The following FHIT variants were observed in gnomAD, a reference collection of about 807,000 sequenced individuals.
FHIT encodes the protein bis(5'-adenosyl)-triphosphatase.
In FHIT, 19 loss-of-function variants were observed where a neutral mutation model predicts 17.9. The observed-to-expected ratio is 1.06, with a 90% CI of 0.74 to 1.56. FHIT has a LOEUF of 1.56. Ranked by LOEUF, FHIT falls within the 40% of genes most tolerant of loss-of-function variation. The probability of loss-of-function intolerance (pLI) is 0.00; values close to 1 mark genes in which losing one functional copy is unlikely to be tolerated. For missense variants in FHIT, 248 were observed against 189.2 expected (o/e 1.31, Z -1.82); for synonymous variants, 81 against 69.7 (o/e 1.16, Z -0.81).
intron 7 of FHIT, among the ~76,000 whole-genome samples, chr3:59,952,745 G>A (rs80013435): frequency 0.085 from 12,878 of 152,172 alleles, 619 homozygotes; most frequent in Middle Eastern, 0.17. Flanking sequence ...GGAACCAAGC[G>A]CTGGTTCTGC....
In FHIT at chr3:60,872,374, C is replaced by T. The variant is rs565832070; in HGVS notation, c.-110-50363G>A. On this transcript the variant is annotated intron_variant, in intron 3 of 9. Coordinates refer to ENST00000492590, the MANE Select transcript of FHIT (RefSeq NM_002012.4). Reference sequence around the variant, plus strand: ...TAATTCATTTTGGTTCCAATAAATACGTACTTTCTGTGAGACCCTTTGGGG... The same window carrying T: ...TAATTCATTTTGGTTCCAATAAATATGTACTTTCTGTGAGACCCTTTGGGG... 1.8e-3 allele frequency among the ~76,000 whole-genome samples: 278 copies of T among 152,258 alleles called. 1 individual carries two copies. The highest frequency in any genetic ancestry group is 6.4e-3 in the African/African-American group (265 of 41,566).
intron 1 of FHIT, among the ~76,000 whole-genome samples, chr3:61,216,755 C>CA (rs750216142): frequency 7.9e-5 from 12 of 152,148 alleles, no homozygotes; most frequent in Non-Finnish European, 1.8e-4. Context: ...AAATGTCCAA[C>CA]AATGACAGAC....
At chr3:59,864,590 G>A (rs1702551165) in intron 8 of FHIT, among the ~76,000 whole-genome samples, 1 of 151,602 alleles carries the variant, frequency 6.6e-6, no homozygotes. Context: ...CACTCTGGCT[G>A]ATCTAGTATA....
At chr3:60,931,024 C>T (rs1436475633) in intron 3 of FHIT, among the ~76,000 whole-genome samples, 2 of 152,174 alleles carry the variant, frequency 1.3e-5, no homozygotes, top group Non-Finnish European at 2.9e-5. Context: ...CCATGGAATA[C>T]TATGCAGCCA....
intron 1 of FHIT, among the ~76,000 whole-genome samples, chr3:61,209,485 G>C (rs773237900): frequency 7.9e-5 from 12 of 151,848 alleles, no homozygotes; most frequent in African/African-American, 1.5e-4. Context: ...TTTTCACATA[G>C]TCCCATATTT....
At chr3:60,959,801 CTTTTTTT>C (rs1246211795) in intron 3 of FHIT, among the ~76,000 whole-genome samples, 1 of 119,696 alleles carries the variant, frequency 8.4e-6, no homozygotes, top group East Asian at 2.5e-4. Context: ...GAGGCTTTTT[CTTTTTTT>C]TTTTTTTTTT....
rs782119235 is a variant in FHIT at position 60,966,234 on chromosome 3, G to A, written c.-111+75813C>T. Among the ~76,000 whole-genome samples, 30 of 152,306 alleles carry A rather than the reference G, an allele frequency of 2.0e-4. 1 individual carries two copies. Among genetic ancestry groups the A allele is most frequent in the Admixed American group, 5.9e-4 (9 of 15,310 alleles). On this transcript the variant is annotated intron_variant, in intron 3 of 9. Coordinates refer to ENST00000492590, the MANE Select transcript of FHIT (RefSeq NM_002012.4). ...AAGCCCCGTGGGCATGGAACCCTCC[G>A]AGCCAGGCACCAGATATTATCTCCT... is the stretch of plus-strand genomic sequence containing the variant.
chr3:60,283,971 T>C (rs1423609723), intron 5 of FHIT, among the ~76,000 whole-genome samples: 3 of 152,004 alleles, frequency 2.0e-5, no homozygotes, highest in African/African-American at 7.2e-5. Flanking sequence ...GGCAGGGGAA[T>C]GCCATCCATA....
intron 8 of FHIT, among the ~76,000 whole-genome samples, chr3:59,857,106 C>A (rs1702190710): frequency 6.6e-6 from 1 of 152,188 alleles, no homozygotes; most frequent in South Asian, 2.1e-4. Context: ...CACAGCACTT[C>A]CTCTGAGGGG....
chr3:60,619,299 A>AT (rs1553677334), intron 4 of FHIT, among the ~76,000 whole-genome samples: 2 of 152,186 alleles, frequency 1.3e-5, no homozygotes, highest in Non-Finnish European at 2.9e-5. Context: ...ATAAAGGAAT[A>AT]TTTTTGCCTA....
chr3:60,973,284 C>G (rs1221271843), intron 3 of FHIT, among the ~76,000 whole-genome samples: 2 of 152,210 alleles, frequency 1.3e-5, no homozygotes, highest in African/African-American at 4.8e-5. Context: ...TGTAGTTCTT[C>G]AGGGGCCTCA....
intron 4 of FHIT, among the ~76,000 whole-genome samples, chr3:60,597,499 T>C (rs2038307379): frequency 6.6e-6 from 1 of 152,112 alleles, no homozygotes; most frequent in African/African-American, 2.4e-5. Flanking sequence ...TTCATATCCA[T>C]ACCATTCTCC....
chr3:60,324,100 C>T (rs1380220095), intron 5 of FHIT, among the ~76,000 whole-genome samples: 1 of 152,054 alleles, frequency 6.6e-6, no homozygotes, highest in Non-Finnish European at 1.5e-5. Context: ...TATTAGGATA[C>T]ACCAGGCATT....
intron 7 of FHIT, among the ~76,000 whole-genome samples, chr3:59,965,684 A>T (rs1471747059): frequency 6.6e-6 from 1 of 152,214 alleles, no homozygotes; most frequent in Non-Finnish European, 1.5e-5. Context: ...GTGATTCTTG[A>T]AATGAACTTT....
chr3:60,495,326 T>C (rs1294905956), intron 5 of FHIT, among the ~76,000 whole-genome samples: 1 of 152,198 alleles, frequency 6.6e-6, no homozygotes, highest in Non-Finnish European at 1.5e-5. Flanking sequence ...ATTCTCTAAT[T>C]CTTCTTTAAG....
At chr3:60,390,530 G>T (rs571840658) in intron 5 of FHIT, among the ~76,000 whole-genome samples, 3 of 151,692 alleles carry the variant, frequency 2.0e-5, no homozygotes, top group African/African-American at 7.3e-5. Flanking sequence ...ACGGCCTCAG[G>T]CAAGTCCTTC....
In FHIT at chr3:60,508,661, A is replaced by C. The variant is rs371477378; in HGVS notation, c.103+28199T>G. Among the ~76,000 whole-genome samples the C allele has an allele frequency of 4.6e-5, 7 of 152,264 alleles. 2 individuals are homozygous for C. The highest frequency in any genetic ancestry group is 6.5e-5 in the Admixed American group (1 of 15,300). ...AAAGTACTTCAAAATGCCAAAGACTACCCTCTGAGCTAGCTTGAATTCTAT... is the reference window on the plus strand; with the variant it reads ...AAAGTACTTCAAAATGCCAAAGACTCCCCTCTGAGCTAGCTTGAATTCTAT... On this transcript the variant is annotated intron_variant, in intron 5 of 9. Transcript: ENST00000492590.
intron 5 of FHIT, among the ~76,000 whole-genome samples, chr3:60,294,990 TG>T (rs1230332116): frequency 1.3e-5 from 2 of 152,192 alleles, no homozygotes; most frequent in Non-Finnish European, 2.9e-5. Context: ...TAGGAACATT[TG>T]TGTAACGGTT....
chr3:60,744,513 G>T (rs2042318283), intron 4 of FHIT, among the ~76,000 whole-genome samples: 1 of 152,134 alleles, frequency 6.6e-6, no homozygotes, highest in African/African-American at 2.4e-5. Context: ...AGAAACAGGA[G>T]AGAATAATTT....
Sources: gnomAD v4.1 joint callset for allele counts (sites outside exome capture counted in the v4.1 genomes callset) on GRCh38, gnomAD v4.1.1 for gene constraint, MANE v1.5 for transcripts, NCBI Gene and HGNC (gene_info 2026-07-23, HGNC 2026-07-21) for gene names.